VAC14: variants seen among roughly 807,000 people sequenced by gnomAD.
The protein encoded by VAC14 is protein VAC14 homolog.
In VAC14, 47 loss-of-function variants were observed where a neutral mutation model predicts 85.3. That is an observed-to-expected ratio of 0.55 (90% CI 0.44 to 0.70). The LOEUF (loss-of-function observed/expected upper bound fraction) is 0.70, where lower values mean the gene tolerates loss of function less well. VAC14 is among the 30% of genes least tolerant of loss of function. The pLI is 0.00. For synonymous variants in VAC14, 447 were observed against 430.5 expected (o/e 1.04, Z -0.47); for missense variants, 861 against 1,004.3 (o/e 0.86, Z 1.93).
intron 12 of VAC14, among the ~76,000 whole-genome samples, chr16:70,758,114 C>T (rs2032018542): frequency 6.6e-6 from 1 of 152,212 alleles, no homozygotes; most frequent in African/African-American, 2.4e-5. Flanking sequence ...AAAAAAGACT[C>T]TAAAGCATTA....
intron 13 of VAC14, among the ~76,000 whole-genome samples, chr16:70,735,854 G>A (rs1348491094): frequency 6.6e-6 from 1 of 152,258 alleles, no homozygotes; most frequent in Non-Finnish European, 1.5e-5. Flanking sequence ...AAGAGTCTCT[G>A]CTCCCTGGCC....
chr16:70,776,727 C>T (rs56727114), intron 9 of VAC14, among the ~76,000 whole-genome samples: 7,822 of 151,660 alleles, frequency 0.052, 571 homozygotes, highest in African/African-American at 0.16. Flanking sequence ...ACCACACCAC[C>T]TTCAGTTTTT....
intron 14 of VAC14, among the ~76,000 whole-genome samples, chr16:70,720,633 G>A (rs546016876): frequency 1.3e-5 from 2 of 152,220 alleles, no homozygotes; most frequent in African/African-American, 4.8e-5. Flanking sequence ...TATGCAAATA[G>A]CAAGCCTGGG....
intron 14 of VAC14, among the ~76,000 whole-genome samples, chr16:70,725,350 C>A (rs2054397427): frequency 6.6e-6 from 1 of 152,232 alleles, no homozygotes; most frequent in Admixed American, 6.5e-5. Context: ...GTGATTTGGC[C>A]CCAGCCAAGG....
At chr16:70,742,369 C>G (rs1055376293) in intron 13 of VAC14, among the ~76,000 whole-genome samples, 1 of 143,756 alleles carries the variant, frequency 7.0e-6, no homozygotes, top group Non-Finnish European at 1.5e-5. Context: ...ATATCCTTTT[C>G]TCTCTTCCTT....
intron 7 of VAC14, 51 bp from the exon 8 acceptor site, chr16:70,782,054 G>T: frequency 6.3e-7 from 1 of 1,597,006 alleles, no homozygotes; most frequent in Non-Finnish European, 8.6e-7. Context: ...CAGCCCGAGT[G>T]CTCCCTCCCA....
Position 70,687,863 on chromosome 16 carries a change from G to C in VAC14, c.*65C>G. On this transcript the variant is annotated 3_prime_UTR_variant, in exon 19 of 19. Transcript: ENST00000261776. ...ACAGGCAGGTCCTTGAGCTCCTCGG[G>C]AGGGCGTGACGACCCTTAGTGTTTC... 1 of 1,380,780 alleles carries C rather than the reference G, an allele frequency of 7.2e-7. No individual in the cohort carries two copies. Among genetic ancestry groups the C allele is most frequent in the Non-Finnish European group, 9.5e-7 (1 of 1,057,258 alleles). The allele number at this position is 1,380,780 out of a possible 1,614,324, so 85.5% of individuals were successfully genotyped here. A position where few individuals can be genotyped will look rare whatever the true frequency, so the allele number is the denominator to read the frequency against.
intron 13 of VAC14, among the ~76,000 whole-genome samples, chr16:70,735,057 TAA>T (rs1316890879): frequency 6.6e-6 from 1 of 152,010 alleles, no homozygotes; most frequent in African/African-American, 2.4e-5. Context: ...GAAGATGGCA[TAA>T]AGACGGAAAC....
intron 12 of VAC14, among the ~76,000 whole-genome samples, chr16:70,746,424 C>T (rs560708123): frequency 1.3e-5 from 2 of 152,332 alleles, no homozygotes; most frequent in Non-Finnish European, 2.9e-5. Flanking sequence ...CCAGCGGCTG[C>T]GTTGGGTTCT....
At chr16:70,719,980 C>T (rs955491648) in intron 14 of VAC14, among the ~76,000 whole-genome samples, 2 of 152,194 alleles carry the variant, frequency 1.3e-5, no homozygotes, top group Non-Finnish European at 2.9e-5. Context: ...AAATAAATCA[C>T]GGTATCGTCA....
At chr16:70,785,969 C>T in intron 2 of VAC14, 100 bp from the exon 3 acceptor site, 1 of 1,416,048 alleles carries the variant, frequency 7.1e-7, no homozygotes, top group Non-Finnish European at 9.5e-7. Flanking sequence ...TGAAGGTGCT[C>T]AGGCCTTTGT....
chr16:70,742,616 A>C (rs921062627), intron 13 of VAC14, among the ~76,000 whole-genome samples: 1 of 152,222 alleles, frequency 6.6e-6, no homozygotes, highest in African/African-American at 2.4e-5. Context: ...AAGGCCCCAC[A>C]TGGGCCTTCT....
chr16:70,691,224 A>G (rs943747632), intron 18 of VAC14: 34 of 985,302 alleles, frequency 3.5e-5, no homozygotes, highest in Non-Finnish European at 4.1e-5. Flanking sequence ...AGACGAGGAG[A>G]TCAGCACTCG....
intron 1 of VAC14, among the ~76,000 whole-genome samples, chr16:70,795,970 T>A (rs2034529115): frequency 6.6e-6 from 1 of 151,986 alleles, no homozygotes; most frequent in Non-Finnish European, 1.5e-5. Context: ...TGCTAGCATT[T>A]CTCCCCCACA....
rs376366585 is a variant in VAC14, at chr16:70,744,520, C to T, written c.1431G>A (p.Thr477=). 25 of 1,612,720 alleles carry T rather than the reference C, an allele frequency of 1.6e-5. No homozygotes were observed. The highest frequency in any genetic ancestry group is 1.5e-4 in the Admixed American group (9 of 59,670). ...GGCCATCGAGGGGGCCTGGGTCATC[C>T]GTCTGGCCTGCGGGGGAGGAAGCGA... The part of the protein sequence containing the change: ...AEIASSPAGQ[T]DDPGPLDGPD... The change falls in exon 13 of 19, where the codon ACG becomes ACA. Residue 477 remains threonine, a synonymous_variant. Transcript: ENST00000261776.
intron 9 of VAC14, chr16:70,778,987 T>C (rs2033665703): frequency 6.6e-6 from 1 of 152,234 alleles, no homozygotes; most frequent in African/African-American, 2.4e-5. Flanking sequence ...CCAAGTTAAC[T>C]TATTTCTCCA....
chr16:70,773,944 T>G (rs1197576836), intron 9 of VAC14, among the ~76,000 whole-genome samples: 1 of 151,866 alleles, frequency 6.6e-6, no homozygotes, highest in East Asian at 1.9e-4. Flanking sequence ...TTTTTTTTTT[T>G]TTGTATTTTC....
intron 14 of VAC14, among the ~76,000 whole-genome samples, chr16:70,703,679 C>G (rs1044362201): frequency 6.6e-6 from 1 of 152,232 alleles, no homozygotes; most frequent in African/African-American, 2.4e-5. Flanking sequence ...GCTGCTCCCC[C>G]TTCCAGGTCT....
intron 14 of VAC14, among the ~76,000 whole-genome samples, chr16:70,729,048 C>T (rs1211997812): frequency 6.6e-6 from 1 of 152,214 alleles, no homozygotes. Context: ...ATTTCTGTCT[C>T]TCTGACACGG....
Sources: allele counts gnomAD v4.1 joint callset (sites outside exome capture counted in the v4.1 genomes callset), GRCh38; gene constraint gnomAD v4.1.1; transcripts MANE v1.5; gene names NCBI Gene and HGNC (gene_info 2026-07-23, HGNC 2026-07-21).